SHPRH: variants seen among roughly 807,000 people sequenced by gnomAD.
The protein encoded by SHPRH is E3 ubiquitin-protein ligase SHPRH.
SHPRH carries 106 observed loss-of-function variants against 202.5 expected under a neutral mutation model. That is an observed-to-expected ratio of 0.52 (90% CI 0.45 to 0.62). The LOEUF is 0.62. Ranked by LOEUF, SHPRH falls within the 20% of genes least tolerant of loss-of-function variation. The pLI is 0.00. For missense variants in SHPRH, 1,710 were observed against 2,020.0 expected (o/e 0.85, Z 2.94); for synonymous variants, 729 against 686.0 (o/e 1.06, Z -0.98).
At chr6:145,948,412 TA>T (rs1787622084) in intron 4 of SHPRH, 62 bp from the exon 5 acceptor site, 3 of 1,299,500 alleles carry the variant, frequency 2.3e-6, no homozygotes, top group Non-Finnish European at 3.3e-6. Flanking sequence ...ATAATCACAT[TA>T]AAAAAAGAAT....
chr6:145,911,417 C>T (rs1783482454), intron 24 of SHPRH, among the ~76,000 whole-genome samples: 1 of 152,054 alleles, frequency 6.6e-6, no homozygotes, highest in African/African-American at 2.4e-5. Context: ...GCCACCGCGC[C>T]CAGCCAAAAA....
At position 145,918,161 on chromosome 6, in the gene SHPRH, C is replaced by A. The variant is rs367577101; in HGVS notation, c.4224G>T (p.Gly1408=). ...VATSQLQKKL[G]QLLYLTNLEK... ...CCAAATTAGTTAGGTAAAGAAGCTGCCCAAGTTTTTTCTGAAGCTGTGATG... is the reference window on the plus strand; with the variant it reads ...CCAAATTAGTTAGGTAAAGAAGCTGACCAAGTTTTTTCTGAAGCTGTGATG... The change falls in exon 23 of 30, where the codon GGG becomes GGT. Residue 1408 remains glycine, a synonymous_variant. Transcript: ENST00000275233. 1.9e-6 allele frequency: 3 copies of A among 1,606,104 alleles called. No homozygotes were observed. The highest frequency in any genetic ancestry group is 2.6e-6 in the Non-Finnish European group (3 of 1,176,140).
chr6:145,893,630 A>G (rs1293988056), intron 27 of SHPRH, among the ~76,000 whole-genome samples: 1 of 152,202 alleles, frequency 6.6e-6, no homozygotes, highest in East Asian at 1.9e-4. Flanking sequence ...AGGAATCACA[A>G]GACAGATGCA....
intron 28 of SHPRH, among the ~76,000 whole-genome samples, chr6:145,889,031 C>G (rs1051152888): frequency 3.3e-5 from 5 of 152,052 alleles, no homozygotes; most frequent in African/African-American, 1.2e-4. Flanking sequence ...TTGTTTTGTC[C>G]ATGTGAAACC....
chr6:145,925,097 T>TA (rs1784745433), intron 16 of SHPRH, among the ~76,000 whole-genome samples: 2 of 151,716 alleles, frequency 1.3e-5, no homozygotes, highest in Non-Finnish European at 2.9e-5. Flanking sequence ...ATTTCTTATT[T>TA]AATTTTTTTT....
intron 23 of SHPRH, among the ~76,000 whole-genome samples, chr6:145,916,079 T>C (rs531200541): frequency 2.0e-5 from 3 of 152,282 alleles, no homozygotes; most frequent in Admixed American, 6.5e-5. Context: ...TTTTCATTTG[T>C]ACTGTACTTG....
chr6:145,878,555 TATC>T (rs1310177605), intron 2 of SHPRH, among the ~76,000 whole-genome samples: 2 of 152,228 alleles, frequency 1.3e-5, no homozygotes, highest in East Asian at 3.8e-4. Flanking sequence ...ACTTACATAT[TATC>T]TTCTTTGGAG....
chr6:145,893,406 G>C lies in SHPRH; in HGVS notation c.4696-13C>G. On this transcript the variant is annotated splice_polypyrimidine_tract_variant and intron_variant, in intron 27 of 29. Transcript: ENST00000275233. The stretch of plus-strand genomic sequence containing the variant: ...CTGAAAGGTTCTCCTAAAAAAGAAA[G>C]GTACATTTTAATTTTAGCTCGATCA... 1 of 1,569,108 alleles carries C rather than the reference G, an allele frequency of 6.4e-7. No homozygotes were observed. The highest frequency in any genetic ancestry group is 8.6e-7 in the Non-Finnish European group (1 of 1,162,644).
chr6:145,867,619 TATATATATATATAGAGAGAG>T (rs1442123834), intron 2 of SHPRH, among the ~76,000 whole-genome samples: 16 of 70,310 alleles, frequency 2.3e-4, no homozygotes, highest in African/African-American at 1.1e-3. Context: ...TATATATATA[TATATATATATATAGAGAGAG>T]AGAGAGAGAG....
chr6:145,862,820 TA>T (rs1562265624), downstream of SHPRH: 4 of 152,244 alleles, frequency 2.6e-5, no homozygotes, highest in African/African-American at 9.6e-5. Context: ...TCCTATTTTT[TA>T]AATCAAATTC....
At chr6:145,899,273 C>A (rs2247666) in intron 25 of SHPRH, among the ~76,000 whole-genome samples, 55,678 of 151,960 alleles carry the variant, frequency 0.37, 10,719 homozygotes, top group South Asian at 0.48. Flanking sequence ...AGAGATACCA[C>A]ACTCCCTGAT....
At chr6:145,912,369 C>A (rs1047164590) in intron 24 of SHPRH, among the ~76,000 whole-genome samples, 1 of 152,008 alleles carries the variant, frequency 6.6e-6, no homozygotes, top group Admixed American at 6.6e-5. Context: ...GTGCAGGAAA[C>A]CTAGGTTATG....
chr6:145,938,977 G>C (rs560998322), intron 11 of SHPRH, among the ~76,000 whole-genome samples: 13 of 152,180 alleles, frequency 8.5e-5, no homozygotes, highest in Non-Finnish European at 1.8e-4. Context: ...CCAGCATCTA[G>C]TGGGTAGAAG....
intron 25 of SHPRH, chr6:145,906,831 G>T (rs1783004658): frequency 6.6e-6 from 1 of 152,062 alleles, no homozygotes; most frequent in Admixed American, 6.6e-5. Flanking sequence ...AGTCATCAGT[G>T]ACCTCATTAG....
chr6:145,943,187 C>T lies in SHPRH; in HGVS notation c.2194G>A (p.Asp732Asn). 6.2e-7 allele frequency: 1 copy of T among 1,612,250 alleles called. No homozygotes were observed. Among genetic ancestry groups the T allele is most frequent in the Non-Finnish European group, 8.5e-7 (1 of 1,178,958 alleles). ...SPSSICHQWV[D>N]EINRHVRSSS... ...GACCTCACATGCCTGTTGATCTCAT[C>T]CACCCACTGGTGACAGATGGAACTT... The change falls in exon 9 of 30, where the codon GAT (aspartate) becomes AAT (asparagine). Residue 732 changes from aspartate (D) to asparagine (N), a missense_variant. Transcript: ENST00000275233.
At chr6:145,909,367 A>G (rs753581421) in intron 25 of SHPRH, 4 of 152,064 alleles carry the variant, frequency 2.6e-5, no homozygotes, top group South Asian at 2.1e-4. Flanking sequence ...TGTCCAATAT[A>G]TATGTGTGGA....
At chr6:145,925,312 C>T (rs1184059240) in intron 16 of SHPRH, among the ~76,000 whole-genome samples, 1 of 148,128 alleles carries the variant, frequency 6.8e-6, no homozygotes, top group Non-Finnish European at 1.5e-5. Flanking sequence ...TGCTGAAGCC[C>T]TAAGAAAGTA....
At chr6:145,889,085 T>C (rs577024818) in intron 28 of SHPRH, among the ~76,000 whole-genome samples, 3 of 152,124 alleles carry the variant, frequency 2.0e-5, no homozygotes, top group African/African-American at 7.2e-5. Flanking sequence ...AGTCCAGAGA[T>C]ATGTGTGCAG....
chr6:145,953,984 C>T (rs1021526283), intron 2 of SHPRH, among the ~76,000 whole-genome samples: 1 of 150,102 alleles, frequency 6.7e-6, no homozygotes, highest in Non-Finnish European at 1.5e-5. Flanking sequence ...AAGTATGTGA[C>T]AAGCCGCCAA....
Sources: allele counts gnomAD v4.1 joint callset (sites outside exome capture counted in the v4.1 genomes callset), GRCh38; gene constraint gnomAD v4.1.1; transcripts MANE v1.5; gene names NCBI Gene and HGNC (gene_info 2026-07-23, HGNC 2026-07-21).